IFIH1: variants seen among roughly 807,000 people sequenced by gnomAD.
IFIH1 encodes interferon induced with helicase C domain 1.
In IFIH1, 125 loss-of-function variants were observed where a neutral mutation model predicts 107.4. That is an observed-to-expected ratio of 1.16 (90% CI 1.01 to 1.35). IFIH1 has a LOEUF of 1.35. Ranked by LOEUF, IFIH1 falls within the 40% of genes most tolerant of loss-of-function variation. The pLI, the probability that IFIH1 is intolerant of heterozygous loss-of-function variation, is 0.00. For missense variants in IFIH1, 1,333 were observed against 1,213.7 expected, an observed-to-expected ratio of 1.10 and a Z score of -1.46; for synonymous variants, 458 against 413.2, an observed-to-expected ratio of 1.11 and a Z score of -1.31.
chr2:162,280,704 T>C (rs895127004), intron 7 of IFIH1, among the ~76,000 whole-genome samples: 1 of 152,080 alleles, frequency 6.6e-6, no homozygotes, highest in Non-Finnish European at 1.5e-5. Flanking sequence ...CTACTCTACA[T>C]AATTTGTATT....
chr2:162,312,185 G>A (rs76162067), intron 1 of IFIH1, among the ~76,000 whole-genome samples: 2,027 of 152,058 alleles, frequency 0.013, 18 homozygotes, highest in Middle Eastern at 0.02. Context: ...AACATTTTTG[G>A]AACAATGTCT....
intron 2 of IFIH1, among the ~76,000 whole-genome samples, chr2:162,309,477 C>A (rs1683352986): frequency 6.6e-6 from 1 of 152,182 alleles, no homozygotes; most frequent in Non-Finnish European, 1.5e-5. Flanking sequence ...ACATTCACAG[C>A]CAAATAGCTC....
At chr2:162,294,046 CTTTTCAT>C (rs1683044442) in intron 3 of IFIH1, among the ~76,000 whole-genome samples, 1 of 151,774 alleles carries the variant, frequency 6.6e-6, no homozygotes, top group African/African-American at 2.4e-5. Context: ...CCTTTGAGGT[CTTTTCAT>C]TTAAAATGAT....
rs1321135573 is a variant in IFIH1, at chr2:162,267,464, C to T, written c.2898+15G>A. The T allele has an allele frequency of 1.2e-6, 2 of 1,612,674 alleles. No homozygotes were observed. The highest frequency in any genetic ancestry group is 1.7e-6 in the Non-Finnish European group (2 of 1,178,648). On this transcript the variant is annotated intron_variant, in intron 15 of 15. Transcript: ENST00000649979. ...GTTGGCTAAAGTAAAATCTGGCCCA[C>T]AGCAATTTACTCACCTGGCCACATT...
chr2:162,271,440 C>T (rs1416901166), intron 13 of IFIH1, among the ~76,000 whole-genome samples: 2 of 136,494 alleles, frequency 1.5e-5, no homozygotes, highest in Admixed American at 8.2e-5. Flanking sequence ...GGGAACATTA[C>T]ACACCAGGGC....
Position 162,276,860 on chromosome 2 carries a change from G to A in IFIH1, c.2131C>T (p.Gln711Ter). The A allele has an allele frequency of 6.2e-7, 1 of 1,613,292 alleles. No homozygotes were observed. The highest frequency in any genetic ancestry group is 8.5e-7 in the Non-Finnish European group (1 of 1,179,526). ...GCTGATTCCTCAGTCCTAGTATATT[G>A]CTCCATTATGGTATTTCTTAATTTG... The part of the protein sequence containing the change: ...LTKLRNTIME[Q>*]YTRTEESARG... Residue 711 changes from glutamine to a stop codon, truncating the protein, a stop_gained, in exon 11 of 16, where the codon CAA (glutamine) becomes TAA (stop). Transcript: ENST00000649979. LOFTEE classifies it high-confidence loss of function.
At position 162,278,343 on chromosome 2, in the gene IFIH1, C is replaced by G; in HGVS notation, c.1642-15G>C. The G allele has an allele frequency of 8.5e-7, 1 of 1,177,926 alleles. No homozygotes were observed. The highest frequency in any genetic ancestry group is 1.4e-5 in the South Asian group (1 of 72,922). The allele number at this position is 1,177,926 out of a possible 1,614,324, so 73.0% of individuals were successfully genotyped here. On this transcript the variant is annotated splice_polypyrimidine_tract_variant and intron_variant, in intron 8 of 15. Transcript: ENST00000649979. ...TTAAATGGATCCTAAAAATAAAGTA[C>G]ACACTTATTCTTATGTATTCTTATT...
intron 2 of IFIH1, among the ~76,000 whole-genome samples, chr2:162,307,682 T>TA (rs1683309980): frequency 6.6e-6 from 1 of 152,212 alleles, no homozygotes; most frequent in African/African-American, 2.4e-5. Context: ...TATCATTTTT[T>TA]ATTATCTCAT....
chr2:162,313,705 G>A (rs1683422226), intron 1 of IFIH1, among the ~76,000 whole-genome samples: 1 of 152,016 alleles, frequency 6.6e-6, no homozygotes, highest in Admixed American at 6.6e-5. Flanking sequence ...TAAATCAGGA[G>A]GCAAAACCTG....
At chr2:162,306,392 G>A (rs941990686) in intron 3 of IFIH1, among the ~76,000 whole-genome samples, 14 of 152,096 alleles carry the variant, frequency 9.2e-5, no homozygotes, top group African/African-American at 3.4e-4. Context: ...TAAATTGACT[G>A]ATCTATTTAT....
chr2:162,290,694 T>C (rs73973102), intron 4 of IFIH1, among the ~76,000 whole-genome samples: 5,924 of 151,986 alleles, frequency 0.039, 369 homozygotes, highest in African/African-American at 0.13. Context: ...AGCTCAATAA[T>C]CTTCCATATT....
At chr2:162,297,836 C>T (rs58990349) in intron 3 of IFIH1, among the ~76,000 whole-genome samples, 19,348 of 151,934 alleles carry the variant, frequency 0.13, 2,872 homozygotes, top group African/African-American at 0.33. Flanking sequence ...AAAAGAACAG[C>T]CTTGCCTACA....
At chr2:162,267,420 C>T (rs1257517475) in intron 15 of IFIH1, 41 bp from the exon 16 acceptor site, 1 of 1,612,516 alleles carries the variant, frequency 6.2e-7, no homozygotes, top group East Asian at 2.2e-5. Flanking sequence ...ATTAAATGTA[C>T]ATGCAATTAA....
chr2:162,277,201 A>G (rs1682699737), intron 10 of IFIH1, among the ~76,000 whole-genome samples: 1 of 152,198 alleles, frequency 6.6e-6, no homozygotes, highest in African/African-American at 2.4e-5. Flanking sequence ...TAAATTCATT[A>G]CAATTGTCTT....
intron 1 of IFIH1, among the ~76,000 whole-genome samples, chr2:162,314,416 T>TTTCTTTTCTTTCTTTCTTTCTTTC (rs71009355): frequency 2.7e-4 from 14 of 51,464 alleles, no homozygotes; most frequent in South Asian, 8.1e-4. Flanking sequence ...TCTTTCTTTC[T>TTTCTTTTCTTTCTTTCTTTCTTTC]TTTCTTTCTT....
At chr2:162,284,507 C>T (rs1682864943) in intron 5 of IFIH1, among the ~76,000 whole-genome samples, 1 of 151,954 alleles carries the variant, frequency 6.6e-6, no homozygotes, top group South Asian at 2.1e-4. Flanking sequence ...TTTCACCAAT[C>T]CTTTTATTCT....
At chr2:162,313,921 C>G (rs2105233090) in intron 1 of IFIH1, among the ~76,000 whole-genome samples, 1 of 152,200 alleles carries the variant, frequency 6.6e-6, no homozygotes. Context: ...GTTGGGAGAA[C>G]TGGACTGTTC....
intron 13 of IFIH1, 52 bp downstream of exon 13, chr2:162,272,174 C>T (rs116475657): frequency 2.1e-6 from 3 of 1,447,592 alleles, no homozygotes; most frequent in Admixed American, 1.8e-5. Flanking sequence ...CAATGGCAAC[C>T]ACATGCCGCC....
intron 14 of IFIH1, 60 bp from the exon 15 acceptor site, chr2:162,267,629 T>C: frequency 8.1e-7 from 1 of 1,229,358 alleles, no homozygotes; most frequent in Non-Finnish European, 1.2e-6. Context: ...AGTGTGTAGT[T>C]CATGGGTTAT....
Sources: allele counts gnomAD v4.1 joint callset (sites outside exome capture counted in the v4.1 genomes callset), GRCh38; gene constraint gnomAD v4.1.1; transcripts MANE v1.5; gene names NCBI Gene and HGNC (gene_info 2026-07-23, HGNC 2026-07-21).